TTBK1: variants seen among roughly 807,000 people sequenced by gnomAD.
The protein encoded by TTBK1 is tau tubulin kinase 1.
In TTBK1, 34 loss-of-function variants were observed where a neutral mutation model predicts 108.5. The ratio of observed to expected loss-of-function variants is 0.31; its 90% CI spans 0.24 to 0.42. TTBK1 has a LOEUF of 0.42. TTBK1 is among the 10% of genes least tolerant of loss of function. TTBK1 has a pLI of 1.00. For missense variants in TTBK1, 1,539 were observed against 1,826.0 expected (o/e 0.84, Z 2.86); for synonymous variants, 809 against 795.1 (o/e 1.02, Z -0.29).
At position 43,259,360 on chromosome 6, in the gene TTBK1, C is replaced by T. The variant is rs538205217; in HGVS notation, c.1248+91C>T. On this transcript the variant is annotated intron_variant, in intron 11 of 14. Transcript: ENST00000259750. The surrounding 1 kb of genome is among the most constrained non-coding windows in gnomAD (Gnocchi z 6.7). The stretch of plus-strand genomic sequence containing the variant: ...CCCCTGCCCTGTTCCTCCTAAGCAC[C>T]CTGTCCCCGGCCATCTGCCTGCTTG... 325 of 1,312,912 alleles carry T rather than the reference C, an allele frequency of 2.5e-4. No individual in the cohort carries two copies. Among genetic ancestry groups the T allele is most frequent in the Non-Finnish European group, 3.2e-4 (309 of 967,014 alleles). The allele number at this position is 1,312,912 out of a possible 1,614,324, so 81.3% of individuals were successfully genotyped here.
intron 13 of TTBK1, among the ~76,000 whole-genome samples, chr6:43,274,516 C>T (rs1444106664): frequency 1.3e-5 from 2 of 152,054 alleles, no homozygotes; most frequent in African/African-American, 4.8e-5. Context: ...TGGCTCTGAC[C>T]GGGGATGGGG....
rs571769536 is a variant in TTBK1, at chr6:43,259,598, C to G, written c.1316C>G (p.Pro439Arg). The G allele has an allele frequency of 6.2e-6, 10 of 1,611,808 alleles. No individual in the cohort carries two copies. The African/African-American group carries it at 1.2e-4, about 19-fold the overall frequency. ...CCCAGCTCCCCAGTGCGTGCCCCCC[C>G]AGACTCCCCCACAACCCCAGTCCGT... ...GVPSSPVRAP[P>R]DSPTTPVRSL... The change falls in exon 12 of 15, where the codon CCA (proline) becomes CGA (arginine). Residue 439 changes from proline (P) to arginine (R), a missense_variant. Around this residue, in one of 5 missense-constraint regions of TTBK1, gnomAD observed 277 missense variants for 332.4 expected, o/e 0.83. Transcript: ENST00000259750. The surrounding 1 kb of genome is among the most constrained non-coding windows in gnomAD (Gnocchi z 6.7).
At chr6:43,255,007 A>T in intron 6 of TTBK1, 42 bp from the exon 7 acceptor site, 1 of 1,589,728 alleles carries the variant, frequency 6.3e-7, no homozygotes, top group Non-Finnish European at 8.6e-7. Context: ...GGCTGAGGTG[A>T]GGGCATGGTG....
chr6:43,253,762 A>T lies in TTBK1; in HGVS notation c.471+54A>T, dbSNP rs1467433639. The T allele has an allele frequency of 6.4e-7, 1 of 1,551,958 alleles. No homozygotes were observed. Among genetic ancestry groups the T allele is most frequent in the Non-Finnish European group, 8.7e-7 (1 of 1,147,806 alleles). On this transcript the variant is annotated intron_variant, in intron 5 of 14. Transcript: ENST00000259750. The surrounding 1 kb of genome is among the most constrained non-coding windows in gnomAD (Gnocchi z 5.8). ...TTCCCTCCTCCAGAACACACCCCTAATTCTTTCCCTGGGTCTCCTGGTTTC... is the reference window on the plus strand; with the variant it reads ...TTCCCTCCTCCAGAACACACCCCTATTTCTTTCCCTGGGTCTCCTGGTTTC...
rs1777311515 is a variant in TTBK1 at position 43,253,724 on chromosome 6, A to T, written c.471+16A>T. 3 of 1,605,190 alleles carry T rather than the reference A, an allele frequency of 1.9e-6. No individual in the cohort carries two copies. Among genetic ancestry groups the T allele is most frequent in the Admixed American group, 1.7e-5 (1 of 59,094 alleles). On this transcript the variant is annotated intron_variant, in intron 5 of 14. Transcript: ENST00000259750. The surrounding 1 kb of genome is among the most constrained non-coding windows in gnomAD (Gnocchi z 5.8). ...CATCAAGCCTGTGAGTACTGCCCCC[A>T]CACGCCTCTCTGTTCCCTCCTCCAG...
chr6:43,277,505 G>A (rs1287897638), intron 13 of TTBK1, among the ~76,000 whole-genome samples: 3 of 152,220 alleles, frequency 2.0e-5, no homozygotes, highest in South Asian at 2.1e-4. Flanking sequence ...AAGCCCCGGG[G>A]CATTTAGAAG....
chr6:43,285,231 G>A lies in TTBK1; in HGVS notation c.3821G>A (p.Arg1274Gln), dbSNP rs1376684427. ...GCCCGGCCCGGGGTCCCCCCGCCCC[G>A]GGGCGTCCCGCCGGCCCGGGCCCAG... is the stretch of plus-strand genomic sequence containing the variant. Reference protein sequence around the residue: ...HQARPGVPPPRGVPPARAQPD... With the variant: ...HQARPGVPPPQGVPPARAQPD... The change falls in exon 15 of 15, where the codon CGG becomes CAG. Residue 1274 changes from arginine to glutamine, a missense_variant. By Grantham distance (43) the Arg-to-Gln change is conservative. Coordinates refer to ENST00000259750, the MANE Select transcript of TTBK1 (RefSeq NM_032538.3). This position sits in a 1 kb window ranked among gnomAD's most constrained non-coding sequence, Gnocchi z 4.7. 7 of 1,300,602 alleles carry A rather than the reference G, an allele frequency of 5.4e-6. No homozygotes were observed. In the African/African-American group the frequency reaches 6.2e-5, roughly 12 times the overall value. The allele number at this position is 1,300,602 out of a possible 1,614,324, so 80.6% of individuals were successfully genotyped here.
intron 1 of TTBK1, 77 bp from the exon 2 acceptor site, chr6:43,246,530 G>A (rs1777090083): frequency 1.6e-5 from 10 of 613,142 alleles, no homozygotes. Flanking sequence ...GAGCAGGAGT[G>A]GAGCTCCTCT....
In TTBK1 at chr6:43,282,756, G is replaced by A. The variant is rs1778203207; in HGVS notation, c.2016G>A (p.Val672=). The part of the protein sequence containing the change: ...QVFSVAPPFE[V]NGLPRAVPLS... ...TCTCCGTGGCGCCCCCATTTGAGGT[G>A]AATGGCCTCCCACGAGCTGTGCCTC... is the stretch of plus-strand genomic sequence containing the variant. The change falls in exon 14 of 15, where the codon GTG becomes GTA. Residue 672 remains valine, a synonymous_variant. Transcript: ENST00000259750. The surrounding 1 kb of genome is among the most constrained non-coding windows in gnomAD (Gnocchi z 5.4). 6 of 1,610,830 alleles carry A rather than the reference G, an allele frequency of 3.7e-6. No individual in the cohort carries two copies. Among genetic ancestry groups the A allele is most frequent in the Non-Finnish European group, 5.1e-6 (6 of 1,178,816 alleles).
intron 2 of TTBK1, among the ~76,000 whole-genome samples, chr6:43,247,538 G>A (rs1243543216): frequency 6.6e-6 from 1 of 152,064 alleles, no homozygotes; most frequent in Non-Finnish European, 1.5e-5. Context: ...GTGGGCGGCA[G>A]TGTGGGGAAA....
chr6:43,257,762 C>A lies in TTBK1; in HGVS notation c.862-50C>A. The A allele has an allele frequency of 6.4e-7, 1 of 1,570,236 alleles. No homozygotes were observed. ...CCCAGCAACTGCCCCTTCCTCCTGG[C>A]TAGCCCCCGGATCACCTCTCTGTCC... On this transcript the variant is annotated intron_variant, in intron 9 of 14. Coordinates refer to ENST00000259750, the MANE Select transcript of TTBK1 (RefSeq NM_032538.3). This position sits in a 1 kb window ranked among gnomAD's most constrained non-coding sequence, Gnocchi z 4.5.
intron 13 of TTBK1, among the ~76,000 whole-genome samples, chr6:43,280,635 C>A (rs1396211464): frequency 6.6e-6 from 1 of 152,130 alleles, no homozygotes; most frequent in Non-Finnish European, 1.5e-5. Flanking sequence ...AATGAAGAAA[C>A]CCTCAGGGAT....
At position 43,284,296 on chromosome 6, in the gene TTBK1, A is replaced by C. The variant is rs1199370718; in HGVS notation, c.3556A>C (p.Thr1186Pro). Residue 1186 changes from threonine (T) to proline (P), a missense_variant, in exon 14 of 15, where the codon ACA becomes CCA. Coordinates refer to ENST00000259750, the MANE Select transcript of TTBK1 (RefSeq NM_032538.3). The part of the protein sequence containing the change: ...RSHGAAPALD[T>P]AITSRLQLQT... ...CCATGGCGCGGCCCCAGCATTGGAC[A>C]CAGCCATCACCAGCAGGTGAGAAAC... The C allele has an allele frequency of 6.4e-7, 1 of 1,572,836 alleles. No individual in the cohort carries two copies. Among genetic ancestry groups the C allele is most frequent in the African/African-American group, 1.3e-5 (1 of 74,358 alleles).
intron 6 of TTBK1, 22 bp from the exon 7 acceptor site, chr6:43,255,027 C>T: frequency 6.2e-7 from 1 of 1,613,118 alleles, no homozygotes; most frequent in African/African-American, 1.3e-5. Flanking sequence ...GGGTGACGTT[C>T]TTGGTGGTCT....
At position 43,285,258 on chromosome 6, in the gene TTBK1, C is replaced by T; in HGVS notation, c.3848C>T (p.Pro1283Leu). The change falls in exon 15 of 15, where the codon CCT becomes CTT. Residue 1283 changes from proline (P) to leucine (L), a missense_variant. Around this residue, in one of 5 missense-constraint regions of TTBK1, gnomAD observed 1,055 missense variants for 1,086.5 expected, o/e 0.97. Transcript: ENST00000259750. This position sits in a 1 kb window ranked among gnomAD's most constrained non-coding sequence, Gnocchi z 4.7. The part of the protein sequence containing the change: ...PRGVPPARAQ[P>L]DGTPSPGGSK... ...GGCGTCCCGCCGGCCCGGGCCCAGC[C>T]TGATGGCACCCCCTCCCCCGGGGGC... 7.7e-7 allele frequency: 1 copy of T among 1,296,668 alleles called. No homozygotes were observed. Among genetic ancestry groups the T allele is most frequent in the Non-Finnish European group, 9.7e-7 (1 of 1,026,584 alleles). The allele number at this position is 1,296,668 out of a possible 1,614,324, so 80.3% of individuals were successfully genotyped here.
Position 43,269,724 on chromosome 6 carries a change from T to C in TTBK1, c.1986+6374T>C, listed in dbSNP as rs528298267. The C allele has an allele frequency of 6.8e-6, 11 of 1,609,948 alleles. No individual in the cohort carries two copies. The South Asian group carries it at 9.9e-5, about 14-fold the overall frequency. On this transcript the variant is annotated intron_variant, in intron 13 of 14. Transcript: ENST00000259750. This position sits in a 1 kb window ranked among gnomAD's most constrained non-coding sequence, Gnocchi z 4.8. ...ACTGGCGTCCTCCGTGTTCTCCTCC[T>C]CCACGCTGGAGACGGAGCATTACCC...
chr6:43,262,697 T>G, intron 12 of TTBK1, 92 bp from the exon 13 acceptor site: 1 of 1,318,704 alleles, frequency 7.6e-7, no homozygotes, highest in South Asian at 1.5e-5. Context: ...GTCAGGAGGT[T>G]TTGGGAGTCA....
chr6:43,269,149 C>T lies in TTBK1; in HGVS notation c.1986+5799C>T, dbSNP rs1562092857. Among the ~76,000 whole-genome samples, 1 of 152,240 alleles carries T rather than the reference C, an allele frequency of 6.6e-6. No individual in the cohort carries two copies. Among genetic ancestry groups the T allele is most frequent in the Non-Finnish European group, 1.5e-5 (1 of 68,042 alleles). ...CATGGTCACCCCGATCCCAACACCT[C>T]CCTGTGATGGGGCGGGGGTGCCAAG... is the stretch of plus-strand genomic sequence containing the variant. On this transcript the variant is annotated intron_variant, in intron 13 of 14. Transcript: ENST00000259750. This position sits in a 1 kb window ranked among gnomAD's most constrained non-coding sequence, Gnocchi z 4.8.
intron 13 of TTBK1, among the ~76,000 whole-genome samples, chr6:43,266,096 G>A (rs1416868612): frequency 2.0e-5 from 3 of 152,188 alleles, no homozygotes; most frequent in Admixed American, 2.0e-4. Context: ...TGAGTTGTGT[G>A]TGTCTTTGGG....
Sources: allele counts gnomAD v4.1 joint callset (sites outside exome capture counted in the v4.1 genomes callset), GRCh38; gene constraint gnomAD v4.1.1; regional missense constraint gnomAD v4.1.1; non-coding constraint Gnocchi (gnomAD v3.1); transcripts MANE v1.5; gene names NCBI Gene and HGNC (gene_info 2026-07-23, HGNC 2026-07-21).